Variants in RNF212B observed in about 807,000 individuals in gnomAD.
RNF212B encodes E3 ubiquitin-protein ligase RNF212B.
RNF212B carries 52 observed loss-of-function variants against 55.5 expected under a neutral mutation model. The ratio of observed to expected loss-of-function variants is 0.94; its 90% CI spans 0.75 to 1.18. The LOEUF (loss-of-function observed/expected upper bound fraction) is 1.18. RNF212B is among the 50% of genes most tolerant of loss of function. The pLI is 0.00. For missense variants in RNF212B, 289 were observed against 350.4 expected (o/e 0.82, Z 1.40); for synonymous variants, 99 against 121.4 (o/e 0.82, Z 1.21).
chr14:23,227,353 A>G (rs1172402786), intron 2 of RNF212B, among the ~76,000 whole-genome samples: 1 of 152,102 alleles, frequency 6.6e-6, no homozygotes, highest in Non-Finnish European at 1.5e-5. Context: ...TGGTATTAGA[A>G]AGCAGGACAA....
chr14:23,221,290 G>C (rs1018164561), intron 2 of RNF212B, among the ~76,000 whole-genome samples: 6 of 150,330 alleles, frequency 4.0e-5, no homozygotes, highest in Admixed American at 2.0e-4. Flanking sequence ...CATAGATAAA[G>C]GGATGTAAAA....
chr14:23,214,180 G>T (rs1880848012), intron 2 of RNF212B, among the ~76,000 whole-genome samples: 1 of 152,134 alleles, frequency 6.6e-6, no homozygotes, highest in Non-Finnish European at 1.5e-5. Context: ...GAAAGTCTCA[G>T]CAAAGAAATA....
chr14:23,270,391 C>CAG (rs1885988608), intron 13 of RNF212B, among the ~76,000 whole-genome samples: 1 of 152,170 alleles, frequency 6.6e-6, no homozygotes, highest in African/African-American at 2.4e-5. Flanking sequence ...GCTATTTTCC[C>CAG]ACTCATAGTT....
At position 23,206,277 on chromosome 14, in the gene RNF212B, G is replaced by A. The variant is rs964919415; in HGVS notation, c.-2+12876G>A. Among the ~76,000 whole-genome samples the A allele has an allele frequency of 5.9e-5, 9 of 152,162 alleles. No homozygotes were observed. In the South Asian group the frequency reaches 1.0e-3, roughly 17 times the overall value. ...TTTAGTAGATACAGGGTTTCACCACGTTGGCCAGGCTGGTCTTGAACTCCT... is the reference window on the plus strand; with the variant it reads ...TTTAGTAGATACAGGGTTTCACCACATTGGCCAGGCTGGTCTTGAACTCCT... On this transcript the variant is annotated intron_variant, in intron 2 of 15. Coordinates refer to the RNF212B transcript ENST00000399910.
At chr14:23,194,525 C>G (rs558574661) in intron 2 of RNF212B, among the ~76,000 whole-genome samples, 1 of 151,900 alleles carries the variant, frequency 6.6e-6, no homozygotes, top group Non-Finnish European at 1.5e-5. Flanking sequence ...ATCATCTGAG[C>G]TCAGGAGTTT....
upstream of RNF212B, among the ~76,000 whole-genome samples, chr14:23,233,005 T>C (rs1185848592): frequency 1.3e-5 from 2 of 152,238 alleles, no homozygotes; most frequent in Non-Finnish European, 2.9e-5. Flanking sequence ...AATCAGATTG[T>C]TGCTGTGTCT....
At chr14:23,258,338 CAAAA>C (rs1213381274) in intron 4 of RNF212B, 223 of 152,350 alleles carry the variant, frequency 1.5e-3, no homozygotes, top group East Asian at 2.4e-3. Flanking sequence ...AACTCTGTCT[CAAAA>C]AAAAAAAAAA....
chr14:23,191,468 T>TTGTTTG (rs1396282185), intron 1 of RNF212B, among the ~76,000 whole-genome samples: 2,342 of 152,266 alleles, frequency 0.015, 57 homozygotes, highest in African/African-American at 0.054. Flanking sequence ...CTTGTTTGTC[T>TTGTTTG]TTCCTATTAA....
chr14:23,197,688 C>A (rs1878857614), intron 2 of RNF212B, among the ~76,000 whole-genome samples: 1 of 151,916 alleles, frequency 6.6e-6, no homozygotes. Context: ...AATGAACTCT[C>A]ATGTATCAGA....
chr14:23,233,562 C>CAAAAA (rs35654046), upstream of RNF212B, among the ~76,000 whole-genome samples: 10 of 58,368 alleles, frequency 1.7e-4, no homozygotes, highest in Non-Finnish European at 2.5e-4. Context: ...CCCATCTCTA[C>CAAAAA]AAAAAAAAAA....
At chr14:23,200,896 T>C (rs1879221691) in intron 2 of RNF212B, among the ~76,000 whole-genome samples, 1 of 152,228 alleles carries the variant, frequency 6.6e-6, no homozygotes, top group Admixed American at 6.5e-5. Flanking sequence ...TTATTGCACT[T>C]ATGCAACTAA....
At chr14:23,256,206 A>G (rs966468187) in intron 4 of RNF212B, among the ~76,000 whole-genome samples, 1 of 152,052 alleles carries the variant, frequency 6.6e-6, no homozygotes, top group Admixed American at 6.5e-5. Flanking sequence ...TTTACTCCTG[A>G]CTAATCCCAC....
intron 1 of RNF212B, among the ~76,000 whole-genome samples, chr14:23,191,850 A>G (rs1225943859): frequency 3.9e-5 from 6 of 152,226 alleles, no homozygotes; most frequent in Non-Finnish European, 7.3e-5. Flanking sequence ...CGACAAATAC[A>G]TACTTATTCG....
chr14:23,193,903 G>A (rs1175104590), intron 2 of RNF212B, among the ~76,000 whole-genome samples: 2 of 152,060 alleles, frequency 1.3e-5, no homozygotes, highest in Non-Finnish European at 2.9e-5. Flanking sequence ...GTGCAGTGGC[G>A]CGATCTTGGC....
rs1880582960 is a variant in RNF212B, at chr14:23,212,150, T to G, written c.-2+18749T>G. Among the ~76,000 whole-genome samples the G allele has an allele frequency of 2.0e-5, 3 of 152,164 alleles. No individual in the cohort carries two copies. In the South Asian group the frequency reaches 6.2e-4, roughly 32 times the overall value. ...AAGGGAACATCCTTGAAAGGGCACT[T>G]AGGAGAAAATTGTAGCCAGCCTTAT... On this transcript the variant is annotated intron_variant, in intron 2 of 15. Coordinates refer to the RNF212B transcript ENST00000399910.
At chr14:23,251,245 GC>G (rs1884380591) in intron 4 of RNF212B, among the ~76,000 whole-genome samples, 1 of 108,674 alleles carries the variant, frequency 9.2e-6, no homozygotes, top group Non-Finnish European at 1.8e-5. Flanking sequence ...AACTAGGTAT[GC>G]AACAATTCAA....
Position 23,271,671 on chromosome 14 carries a change from G to A in RNF212B, c.834+1010G>A, listed in dbSNP as rs979190385. 5.3e-5 allele frequency among the ~76,000 whole-genome samples: 8 copies of A among 152,060 alleles called. No homozygotes were observed. The East Asian group carries it at 1.4e-3, about 26-fold the overall frequency. ...AGAAATTAGGGTCTAAGCCTTAAGA[G>A]GCAACACTGGGGAAGTAACATTCCT... On this transcript the variant is annotated intron_variant, in intron 14 of 14. Transcript: ENST00000430154.
chr14:23,203,777 C>T (rs539311102), intron 2 of RNF212B, among the ~76,000 whole-genome samples: 29 of 152,248 alleles, frequency 1.9e-4, no homozygotes, highest in Admixed American at 1.8e-3. Flanking sequence ...CATGGTAGGC[C>T]TTACTTTAGT....
intron 2 of RNF212B, 143 bp from the exon 3 acceptor site, chr14:23,243,113 T>A: frequency 1.7e-6 from 1 of 597,170 alleles, no homozygotes; most frequent in Non-Finnish European, 3.0e-6. Context: ...TGTCCTTTTA[T>A]AACACAATGA....
Sources: gnomAD v4.1 joint callset for allele counts (sites outside exome capture counted in the v4.1 genomes callset) on GRCh38, gnomAD v4.1.1 for gene constraint, MANE v1.5 for transcripts, NCBI Gene and HGNC (gene_info 2026-07-23, HGNC 2026-07-21) for gene names.